HADHB: variants seen among roughly 807,000 people sequenced by gnomAD.
The protein encoded by HADHB is trifunctional enzyme subunit beta, mitochondrial.
In HADHB, 50 loss-of-function variants were observed where a neutral mutation model predicts 61.9. The ratio of observed to expected loss-of-function variants is 0.81; its 90% CI spans 0.64 to 1.02. The LOEUF is 1.02. HADHB is among the 50% of genes least tolerant of loss of function. The pLI, the probability that HADHB is intolerant of heterozygous loss-of-function variation, is 0.00. For synonymous variants in HADHB, 191 were observed against 201.6 expected, an observed-to-expected ratio of 0.95 and a Z score of 0.45; for missense variants, 504 against 586.5, an observed-to-expected ratio of 0.86 and a Z score of 1.45.
chr2:26,279,384 G>T lies in HADHB; in HGVS notation c.811+69G>T. On this transcript the variant is annotated intron_variant, in intron 9 of 15. Coordinates refer to ENST00000317799, the MANE Select transcript of HADHB (RefSeq NM_000183.3). The stretch of plus-strand genomic sequence containing the variant: ...TGCTCCTAAAACTCAAAAACATCCC[G>T]AGTGATTTTTCCATAAGTATGTTGG... 8 of 1,105,712 alleles carry T rather than the reference G, an allele frequency of 7.2e-6. No homozygotes were observed. In the South Asian group the frequency reaches 8.7e-5, roughly 12 times the overall value. The allele number at this position is 1,105,712 out of a possible 1,614,324, so 68.5% of individuals were successfully genotyped here.
chr2:26,279,158 C>T lies in HADHB; in HGVS notation c.654C>T (p.Ser218=). 1.2e-6 allele frequency: 2 copies of T among 1,613,972 alleles called. No homozygotes were observed. Among genetic ancestry groups the T allele is most frequent in the Non-Finnish European group, 1.7e-6 (2 of 1,179,884 alleles). Residue 218 remains serine (S), a synonymous_variant, in exon 9 of 16, where the codon TCC becomes TCT. Coordinates refer to ENST00000317799, the MANE Select transcript of HADHB (RefSeq NM_000183.3). The part of the protein sequence containing the change: ...APELPAVSEF[S]TSETMGHSAD... ...AGCTCCCTGCGGTTTCTGAGTTCTC[C>T]ACCAGTGAGACCATGGGCCACTCTG...
rs561854648 is a variant in HADHB at position 26,264,739 on chromosome 2, G to A, written c.209+1260G>A. Among the ~76,000 whole-genome samples the A allele has an allele frequency of 1.2e-4, 18 of 152,076 alleles. No homozygotes were observed. In the East Asian group the frequency reaches 3.1e-3, roughly 26 times the overall value. On this transcript the variant is annotated intron_variant, in intron 4 of 15. Transcript: ENST00000317799. ...GTAATGCTATATGTTGGCCAGGCAC[G>A]TGGCTCATGCCTGTAATCCCAGCAC... is the stretch of plus-strand genomic sequence containing the variant.
Position 26,273,587 on chromosome 2 carries a change from G to T in HADHB, c.255-64G>T, listed in dbSNP as rs951187109. 6.9e-6 allele frequency: 6 copies of T among 875,466 alleles called. No individual in the cohort carries two copies. The African/African-American group carries it at 9.8e-5, about 14-fold the overall frequency. The allele number at this position is 875,466 out of a possible 1,614,324, so 54.2% of individuals were successfully genotyped here. ...TTTTTCAAGGAGCGCAGTGTTTTGT[G>T]TGATGATCTCTGGCACTGCCTTGAT... On this transcript the variant is annotated intron_variant, in intron 5 of 15. Transcript: ENST00000317799.
chr2:26,272,319 T>G (rs1672377705), intron 5 of HADHB, among the ~76,000 whole-genome samples: 1 of 151,938 alleles, frequency 6.6e-6, no homozygotes, highest in Non-Finnish European at 1.5e-5. Context: ...TACCCCGTGT[T>G]CCTGTTTTTG....
At chr2:26,253,369 A>T (rs765327279) in intron 1 of HADHB, among the ~76,000 whole-genome samples, 8 of 152,220 alleles carry the variant, frequency 5.3e-5, no homozygotes, top group Non-Finnish European at 8.8e-5. Context: ...ATGATGCTTC[A>T]CCATCCCTAT....
At chr2:26,263,687 C>A (rs564667338) in intron 4 of HADHB, among the ~76,000 whole-genome samples, 1 of 152,136 alleles carries the variant, frequency 6.6e-6, no homozygotes, top group African/African-American at 2.4e-5. Flanking sequence ...ATAAGTCTAG[C>A]GTAGTTTTAC....
intron 1 of HADHB, among the ~76,000 whole-genome samples, chr2:26,247,331 C>CTA (rs1671207122): frequency 6.6e-6 from 1 of 152,196 alleles, no homozygotes; most frequent in Admixed American, 6.5e-5. Context: ...GTCAGCTCTG[C>CTA]TATAGGATAA....
At chr2:26,286,361 A>T (rs1490542662) in intron 15 of HADHB, among the ~76,000 whole-genome samples, 1 of 152,208 alleles carries the variant, frequency 6.6e-6, no homozygotes, top group Non-Finnish European at 1.5e-5. Context: ...ACTTCTGGAT[A>T]ACTTACTGCT....
chr2:26,283,401 G>A (rs1225401439), intron 12 of HADHB, among the ~76,000 whole-genome samples: 1 of 152,108 alleles, frequency 6.6e-6, no homozygotes, highest in African/African-American at 2.4e-5. Context: ...GCGGGCGCCT[G>A]TAGTCCCAGC....
chr2:26,282,974 CA>C (rs1454861898), intron 11 of HADHB, 29 bp from the exon 12 acceptor site: 18 of 1,601,364 alleles, frequency 1.1e-5, no homozygotes, highest in Non-Finnish European at 1.5e-5. Context: ...ATTTTATTAC[CA>C]AAGCTCACCT....
chr2:26,277,814 G>A (rs900179619), intron 7 of HADHB, among the ~76,000 whole-genome samples: 15 of 152,092 alleles, frequency 9.9e-5, no homozygotes, highest in African/African-American at 3.1e-4. Context: ...TTCAACCTAG[G>A]TGCTTCAGAT....
chr2:26,277,366 T>C (rs1672573440), intron 7 of HADHB, among the ~76,000 whole-genome samples: 1 of 151,460 alleles, frequency 6.6e-6, no homozygotes, highest in Non-Finnish European at 1.5e-5. Flanking sequence ...GGATCCCAAG[T>C]AGCTGGGTCT....
chr2:26,263,923 T>C (rs1671961489), intron 4 of HADHB, among the ~76,000 whole-genome samples: 2 of 152,120 alleles, frequency 1.3e-5, no homozygotes, highest in Admixed American at 1.3e-4. Context: ...ACCCCCAGCA[T>C]AGCACAACCC....
At chr2:26,274,579 A>G (rs151294215) in intron 6 of HADHB, among the ~76,000 whole-genome samples, 41 of 152,324 alleles carry the variant, frequency 2.7e-4, no homozygotes, top group South Asian at 1.9e-3. Flanking sequence ...ACTGAAGCCT[A>G]CGAAACTAAC....
Position 26,254,289 on chromosome 2 carries a change from C to A in HADHB, c.35C>A (p.Pro12His). The change falls in exon 2 of 16, where the codon CCC becomes CAC. Residue 12 changes from proline (P) to histidine (H), a missense_variant. Coordinates refer to ENST00000317799, the MANE Select transcript of HADHB (RefSeq NM_000183.3). Reference protein sequence around the residue: ...TILTYPFKNLPTASKWALRFS... With the variant: ...TILTYPFKNLHTASKWALRFS... ...TTGACTTACCCCTTTAAAAATCTTC[C>A]CACTGCATCAAAATGGGCCCTCAGA... 1 of 1,534,038 alleles carries A rather than the reference C, an allele frequency of 6.5e-7. No individual in the cohort carries two copies. Among genetic ancestry groups the A allele is most frequent in the Non-Finnish European group, 9.0e-7 (1 of 1,107,334 alleles).
chr2:26,267,219 C>T (rs1672123426), intron 4 of HADHB, among the ~76,000 whole-genome samples: 1 of 151,976 alleles, frequency 6.6e-6, no homozygotes, highest in South Asian at 2.1e-4. Context: ...ATCTTGGTTT[C>T]TAAATAGCAG....
At position 26,246,324 on chromosome 2, in the gene HADHB, CTTTTG is replaced by C. The variant is rs1174315120; in HGVS notation, c.-9+1348_-9+1352del. ...CTTTGGTCTCTGTTATATATTGTTT[CTTTTG>C]TTTTGTTTTGTTTACAACTTTTTTT... On this transcript the variant is annotated intron_variant, in intron 1 of 15. Transcript: ENST00000317799. 9.7e-4 allele frequency among the ~76,000 whole-genome samples: 146 copies of C among 150,198 alleles called. 1 individual carries two copies. The highest frequency in any genetic ancestry group is 3.4e-3 in the African/African-American group (138 of 41,042).
At position 26,266,871 on chromosome 2, in the gene HADHB, C is replaced by CAAAAAAAAAAAAAAAAAAAAAAAAA. The variant is rs56401595; in HGVS notation, c.210-3059_210-3058insAAAAAAAAAAAAAAAAAAAAAAAAA. The stretch of plus-strand genomic sequence containing the variant: ...GGTGATGGAGTGAGACACTCTCTCT[C>CAAAAAAAAAAAAAAAAAAAAAAAAA]AAAAAAAAAAAAAAAAAAAAAAAGG... On this transcript the variant is annotated intron_variant, in intron 4 of 15. Coordinates refer to ENST00000317799, the MANE Select transcript of HADHB (RefSeq NM_000183.3). Among the ~76,000 whole-genome samples the CAAAAAAAAAAAAAAAAAAAAAAAAA allele has an allele frequency of 2.6e-4, 12 of 45,418 alleles. 2 individuals carry two copies. Among genetic ancestry groups the CAAAAAAAAAAAAAAAAAAAAAAAAA allele is most frequent in the African/African-American group, 1.2e-3 (12 of 10,122 alleles). 29.8% of individuals were successfully genotyped at this position (45,418 alleles called of 152,430 possible).
intron 3 of HADHB, among the ~76,000 whole-genome samples, chr2:26,262,463 G>A (rs1671904661): frequency 6.6e-6 from 1 of 152,146 alleles, no homozygotes; most frequent in Admixed American, 6.6e-5. Flanking sequence ...AGAAAATAGT[G>A]TGGTAGGCGA....
Sources: gnomAD v4.1 joint callset for allele counts (sites outside exome capture counted in the v4.1 genomes callset) on GRCh38, gnomAD v4.1.1 for gene constraint, MANE v1.5 for transcripts, NCBI Gene and HGNC (gene_info 2026-07-23, HGNC 2026-07-21) for gene names.